Variants in SSX5 observed in about 807,000 individuals in gnomAD.
The protein encoded by SSX5 is SSX family member 5, also known as protein SSX5.
Under a neutral mutation model 14.9 loss-of-function variants are expected in SSX5, and 14 were observed. The ratio of observed to expected loss-of-function variants is 0.94; its 90% CI spans 0.62 to 1.47. SSX5 has a LOEUF of 1.47. Among genes scored for constraint, SSX5 ranks in the 40% most tolerant of loss-of-function variants. SSX5 has a pLI of 0.00. For missense variants in SSX5, 204 were observed against 154.6 expected (o/e 1.32, Z -1.70); for synonymous variants, 70 against 55.4 (o/e 1.26, Z -1.17).
intron 1 of SSX5, among the ~76,000 whole-genome samples, chrX:48,195,869 C>T (rs1204998590): frequency 1.8e-5 from 2 of 111,287 alleles, no homozygotes; most frequent in Non-Finnish European, 3.8e-5. Flanking sequence ...AAATGAGCAT[C>T]GCTACTATGA....
Position 48,186,311 on chromosome X carries a change from G to T in SSX5, c.*550C>A, listed in dbSNP as rs1334803602. ...CTGAACAGGAAACAGAGTGAGGGGG[G>T]CTTGACCAGGACACATGGGGAAAAG... On this transcript the variant is annotated 3_prime_UTR_variant, in exon 8 of 8. Coordinates refer to ENST00000347757, the MANE Select transcript of SSX5 (RefSeq NM_175723.2). 4 of 187,080 alleles carry T rather than the reference G, an allele frequency of 2.1e-5. No homozygotes were observed. Among genetic ancestry groups the T allele is most frequent in the Non-Finnish European group, 3.9e-5 (4 of 101,990 alleles). 15.4% of individuals were successfully genotyped at this position (187,080 alleles called of 1,213,427 possible).
At chrX:48,190,498 T>G (rs1359715926) in intron 5 of SSX5, among the ~76,000 whole-genome samples, 1 of 112,117 alleles carries the variant, frequency 8.9e-6, no homozygotes, top group Non-Finnish European at 1.9e-5. Flanking sequence ...TCACACTGTT[T>G]TAAGACTGAC....
Position 48,194,229 on chromosome X carries a change from A to G in SSX5, c.185-5T>C. On this transcript the variant is annotated splice_region_variant and splice_polypyrimidine_tract_variant and intron_variant, in intron 3 of 7. Coordinates refer to ENST00000347757, the MANE Select transcript of SSX5 (RefSeq NM_175723.2). ...GTGGGAGGGTGGCCTTGAAACCTAGAAAGAAGCAAAATGTTTATTCCTTAA... is the reference window on the plus strand; with the variant it reads ...GTGGGAGGGTGGCCTTGAAACCTAGGAAGAAGCAAAATGTTTATTCCTTAA... The G allele has an allele frequency of 8.3e-7, 1 of 1,205,984 alleles. No individual in the cohort carries two copies. Among genetic ancestry groups the G allele is most frequent in the South Asian group, 1.8e-5 (1 of 56,791 alleles).
Position 48,190,128 on chromosome X carries a change from C to T in SSX5, c.466+5G>A. 1 of 1,210,132 alleles carries T rather than the reference C, an allele frequency of 8.3e-7. No individual in the cohort carries two copies. ...AGTGGTTGTTCCCAAATTCTTTTCT[C>T]TTACCAGATGTCTTGTTAACCTTCT... On this transcript the variant is annotated splice_donor_5th_base_variant and intron_variant, in intron 6 of 7. Transcript: ENST00000347757.
rs1327257757 is a variant in SSX5 at position 48,186,403 on chromosome X, T to TGTGTGCGCGCGCGC, written c.*457_*458insGCGCGCGCGCACAC. 7.9e-6 allele frequency: 1 copy of TGTGTGCGCGCGCGC among 126,230 alleles called. No homozygotes were observed. The highest frequency in any genetic ancestry group is 4.0e-5 in the African/African-American group (1 of 24,997). The allele number at this position is 126,230 out of a possible 1,213,427, so 10.4% of individuals were successfully genotyped here. The stretch of plus-strand genomic sequence containing the variant: ...GTGTGTGTGTGTGTGTGTGTGTGTG[T>TGTGTGCGCGCGCGC]GCGCGCGCGCGCGCATGTGTGTCTG... On this transcript the variant is annotated 3_prime_UTR_variant, in exon 8 of 8. Coordinates refer to ENST00000347757, the MANE Select transcript of SSX5 (RefSeq NM_175723.2).
intron 6 of SSX5, among the ~76,000 whole-genome samples, chrX:48,187,959 C>T (rs2059405347): frequency 1.8e-5 from 2 of 112,243 alleles, no homozygotes; most frequent in African/African-American, 3.2e-5. Context: ...GCTTCTGGCT[C>T]CTTCCGTTGT....
chrX:48,195,985 T>A (rs1428763907), intron 1 of SSX5, among the ~76,000 whole-genome samples: 1 of 111,356 alleles, frequency 9.0e-6, no homozygotes, highest in African/African-American at 3.3e-5. Flanking sequence ...GAATGTGGGG[T>A]GTTTCAACAT....
chrX:48,196,680 G>A (rs782808307), intron 1 of SSX5, 51 bp downstream of exon 1: 1 of 111,331 alleles, frequency 9.0e-6, no homozygotes, highest in African/African-American at 3.3e-5. Context: ...ATGCACCACG[G>A]AGGAGGGGAG....
Position 48,196,468 on chromosome X carries a change from T to C in SSX5, c.-21+263A>G, listed in dbSNP as rs184326323. On this transcript the variant is annotated intron_variant, in intron 1 of 7. Coordinates refer to ENST00000347757, the MANE Select transcript of SSX5 (RefSeq NM_175723.2). The stretch of plus-strand genomic sequence containing the variant: ...GATCATGGTCACTGCAACCTCCGCC[T>C]CATAGGTTCAAGTGATCCACCAGCT... Among the ~76,000 whole-genome samples the C allele has an allele frequency of 1.9e-3, 204 of 105,408 alleles. 1 individual carries two copies. The highest frequency in any genetic ancestry group is 3.3e-3 in the Admixed American group (31 of 9,526). The allele number at this position is 105,408 out of a possible 115,157, so 91.5% of individuals were successfully genotyped here.
rs2059397460 is a variant in SSX5 at position 48,186,416 on chromosome X, G to GCA, written c.*443_*444dup. The GCA allele has an allele frequency of 1.5e-5, 4 of 269,245 alleles. No homozygotes were observed. Among genetic ancestry groups the GCA allele is most frequent in the East Asian group, 7.6e-5 (1 of 13,177 alleles). 22.2% of individuals were successfully genotyped at this position (269,245 alleles called of 1,213,427 possible). On this transcript the variant is annotated 3_prime_UTR_variant, in exon 8 of 8. Coordinates refer to ENST00000347757, the MANE Select transcript of SSX5 (RefSeq NM_175723.2). ...TGTGTGTGTGTGTGCGCGCGCGCGC[G>GCA]CATGTGTGTCTGTGTGGCATGTGTG...
chrX:48,195,377 T>C lies in SSX5; in HGVS notation c.-19A>G. On this transcript the variant is annotated splice_region_variant and 5_prime_UTR_variant, in exon 2 of 8. Coordinates refer to ENST00000347757, the MANE Select transcript of SSX5 (RefSeq NM_175723.2). The stretch of plus-strand genomic sequence containing the variant: ...CGTTCATGGCACCGGGAGCACTCTG[T>C]CCTACAAGAGAAACAGTCTGAGTCT... The C allele has an allele frequency of 8.3e-7, 1 of 1,208,320 alleles. No homozygotes were observed. The highest frequency in any genetic ancestry group is 1.7e-5 in the African/African-American group (1 of 57,883).
chrX:48,187,587 A>G (rs1465064366), intron 7 of SSX5, 40 bp downstream of exon 7: 1 of 1,174,700 alleles, frequency 8.5e-7, no homozygotes, highest in Non-Finnish European at 1.2e-6. Flanking sequence ...AGAATAGCAC[A>G]TCTGCAAGGA....
chrX:48,195,376 G>C lies in SSX5; in HGVS notation c.-18C>G. 1 of 1,208,518 alleles carries C rather than the reference G, an allele frequency of 8.3e-7. No individual in the cohort carries two copies. The highest frequency in any genetic ancestry group is 1.1e-6 in the Non-Finnish European group (1 of 893,000). On this transcript the variant is annotated splice_region_variant and 5_prime_UTR_variant, in exon 2 of 8. Transcript: ENST00000347757. The stretch of plus-strand genomic sequence containing the variant: ...CCGTTCATGGCACCGGGAGCACTCT[G>C]TCCTACAAGAGAAACAGTCTGAGTC...
intron 4 of SSX5, among the ~76,000 whole-genome samples, chrX:48,193,357 A>C (rs1556925161): frequency 9.0e-6 from 1 of 111,421 alleles, no homozygotes. Flanking sequence ...TATTTCAAAC[A>C]CACAGAAAAG....
Position 48,190,185 on chromosome X carries a change from C to T in SSX5, c.414G>A (p.Gln138=). Residue 138 remains glutamine (Q), a synonymous_variant, in exon 6 of 8, where the codon CAG becomes CAA. Transcript: ENST00000347757. ...TATTTAGTTTTCCTGAGGGGCGCAG[C>T]TGTTTCCCATTGTTCTGTGGGCCAG... The part of the protein sequence containing the change: ...EASGPQNNGK[Q]LRPSGKLNTS... 1 of 1,211,055 alleles carries T rather than the reference C, an allele frequency of 8.3e-7. No homozygotes were observed. The highest frequency in any genetic ancestry group is 1.1e-6 in the Non-Finnish European group (1 of 895,138).
intron 6 of SSX5, among the ~76,000 whole-genome samples, chrX:48,189,205 T>G (rs1320941327): frequency 2.7e-5 from 3 of 112,295 alleles, no homozygotes; most frequent in South Asian, 3.7e-4. Flanking sequence ...GTGGCTACAC[T>G]AAACAACAGA....
chrX:48,194,100 C>T (rs2059430343), intron 4 of SSX5, 29 bp downstream of exon 4: 2 of 1,202,477 alleles, frequency 1.7e-6, no homozygotes, highest in African/African-American at 1.7e-5. Context: ...CTTGAGGAGA[C>T]CCTTTCCAGC....
Position 48,187,935 on chromosome X carries a change from A to C in SSX5, c.467-204T>G, listed in dbSNP as rs782272320. On this transcript the variant is annotated intron_variant, in intron 6 of 7. Coordinates refer to ENST00000347757, the MANE Select transcript of SSX5 (RefSeq NM_175723.2). ...ACCCACACCAATACAGGCCAAATGC[A>C]AATTAAAGTTTTAGCTTCTGGCTCC... 2.7e-5 allele frequency among the ~76,000 whole-genome samples: 3 copies of C among 112,226 alleles called. No homozygotes were observed. In the East Asian group the frequency reaches 8.4e-4, roughly 32 times the overall value.
intron 5 of SSX5, among the ~76,000 whole-genome samples, chrX:48,191,222 A>AAG (rs2059418829): frequency 9.0e-6 from 1 of 111,434 alleles, no homozygotes; most frequent in African/African-American, 3.3e-5. Flanking sequence ...CTTTTTATTC[A>AAG]GCTTCCTCAC....
Sources: gnomAD v4.1 joint callset for allele counts (sites outside exome capture counted in the v4.1 genomes callset) on GRCh38, gnomAD v4.1.1 for gene constraint, MANE v1.5 for transcripts, NCBI Gene and HGNC (gene_info 2026-07-23, HGNC 2026-07-21) for gene names.